FNTB: variants seen among roughly 807,000 people sequenced by gnomAD.
FNTB encodes the protein protein farnesyltransferase subunit beta.
Under a neutral mutation model 59.4 loss-of-function variants are expected in FNTB, and 27 were observed. The ratio of observed to expected loss-of-function variants is 0.45; its 90% confidence interval spans 0.34 to 0.63. FNTB has a LOEUF of 0.63. FNTB is among the 20% of genes least tolerant of loss of function. The pLI is 0.02. For missense variants in FNTB, 449 were observed against 559.6 expected (o/e 0.80, Z 1.99); for synonymous variants, 230 against 220.7 (o/e 1.04, Z -0.37).
rs1242242360 is a variant in FNTB at position 65,060,869 on chromosome 14, TC to T, written c.1183-311del. Among the ~76,000 whole-genome samples, 85 of 42,984 alleles carry T rather than the reference TC, an allele frequency of 2.0e-3. 4 individuals carry two copies. In the East Asian group the frequency reaches 0.044, roughly 22 times the overall value. The allele number at this position is 42,984 out of a possible 152,430, so 28.2% of individuals were successfully genotyped here. The stretch of plus-strand genomic sequence containing the variant: ...GCCTGGGCAACAGAGCAAGACTCTC[TC>T]AAAAAAAAAAAAAAAAAAAAAAAAA... On this transcript the variant is annotated intron_variant, in intron 11 of 11. Coordinates refer to ENST00000246166, the MANE Select transcript of FNTB (RefSeq NM_002028.4).
intron 1 of FNTB, among the ~76,000 whole-genome samples, chr14:64,998,563 G>T (rs921529213): frequency 1.3e-5 from 2 of 152,190 alleles, no homozygotes; most frequent in Non-Finnish European, 2.9e-5. Context: ...GGTTTTTGCA[G>T]AGTCATTTGG....
At chr14:65,025,264 C>T (rs773235572) in intron 4 of FNTB, among the ~76,000 whole-genome samples, 1 of 152,096 alleles carries the variant, frequency 6.6e-6, no homozygotes, top group Non-Finnish European at 1.5e-5. Context: ...GCGTTCGGCA[C>T]GATTCTATCT....
At position 65,019,187 on chromosome 14, in the gene FNTB, GA is replaced by G. The variant is rs566278887; in HGVS notation, c.374+3476del. 6.0e-5 allele frequency among the ~76,000 whole-genome samples: 9 copies of G among 148,938 alleles called. 1 individual carries two copies. In the South Asian group the frequency reaches 1.9e-3, roughly 32 times the overall value. On this transcript the variant is annotated intron_variant, in intron 4 of 11. Transcript: ENST00000246166. ...AAACTCCATCTCAAAAAAAGAAAAA[GA>G]AAAAGAAGAACTTTCTGGCTGGATG...
chr14:65,052,465 T>C (rs1296786138), intron 9 of FNTB, among the ~76,000 whole-genome samples: 1 of 152,200 alleles, frequency 6.6e-6, no homozygotes, highest in Non-Finnish European at 1.5e-5. Context: ...ACATCCTATA[T>C]GTATATATAT....
intron 1 of FNTB, among the ~76,000 whole-genome samples, chr14:65,000,636 T>G (rs559654082): frequency 2.0e-5 from 3 of 151,794 alleles, no homozygotes; most frequent in Non-Finnish European, 4.4e-5. Flanking sequence ...CTGGCTAACA[T>G]GGTGAAACCC....
At chr14:65,035,709 A>T (rs150493309) in intron 7 of FNTB, among the ~76,000 whole-genome samples, 1 of 151,790 alleles carries the variant, frequency 6.6e-6, no homozygotes, top group Non-Finnish European at 1.5e-5. Flanking sequence ...TTTAAAAAAA[A>T]AATTTGTAGA....
rs927082952 is a variant in FNTB at position 65,029,067 on chromosome 14, T to C, written c.605+1286T>C. 2.6e-5 allele frequency among the ~76,000 whole-genome samples: 4 copies of C among 152,204 alleles called. No homozygotes were observed. Among genetic ancestry groups the C allele is most frequent in the Non-Finnish European group, 5.9e-5 (4 of 68,026 alleles). The stretch of plus-strand genomic sequence containing the variant: ...ATGTTCTAGATAAATGCTAGGAAAC[T>C]TCTCCAGTAAGGCAGCTTGGTTCCC... On this transcript the variant is annotated intron_variant, in intron 6 of 11. Coordinates refer to ENST00000246166, the MANE Select transcript of FNTB (RefSeq NM_002028.4). This position sits in a 1 kb window ranked among gnomAD's most constrained non-coding sequence, Gnocchi z 4.7.
intron 4 of FNTB, among the ~76,000 whole-genome samples, chr14:65,024,839 G>A (rs558807632): frequency 1.2e-4 from 18 of 152,150 alleles, no homozygotes; most frequent in Admixed American, 1.0e-3. Context: ...GGCTGGTCTT[G>A]AACTACTGGC....
chr14:65,023,615 A>T lies in FNTB; in HGVS notation c.375-3838A>T, dbSNP rs1225088751. 1.3e-5 allele frequency among the ~76,000 whole-genome samples: 2 copies of T among 152,230 alleles called. No individual in the cohort carries two copies. The highest frequency in any genetic ancestry group is 4.8e-5 in the African/African-American group (2 of 41,472). ...GTGTTCTATATTGGCCACTAGCCAC[A>T]GTTAGTTGTGGAGTACTTGAAATGT... On this transcript the variant is annotated intron_variant, in intron 4 of 11. Coordinates refer to ENST00000246166, the MANE Select transcript of FNTB (RefSeq NM_002028.4). The surrounding 1 kb of genome is among the most constrained non-coding windows in gnomAD (Gnocchi z 4.1).
rs1250986399 is a variant in FNTB, at chr14:65,009,922, G to T, written c.210-2395G>T. Among the ~76,000 whole-genome samples, 1 of 152,062 alleles carries T rather than the reference G, an allele frequency of 6.6e-6. No homozygotes were observed. Among genetic ancestry groups the T allele is most frequent in the African/African-American group, 2.4e-5 (1 of 41,374 alleles). On this transcript the variant is annotated intron_variant, in intron 2 of 11. Coordinates refer to ENST00000246166, the MANE Select transcript of FNTB (RefSeq NM_002028.4). This position sits in a 1 kb window ranked among gnomAD's most constrained non-coding sequence, Gnocchi z 4.2. ...GTCCACCTCTGGACTGTCGCTCTAG[G>T]GTACAGAGCAGCCTCTACCCCAGTG...
At chr14:65,004,360 T>C in intron 2 of FNTB, 47 bp downstream of exon 2, 1 of 1,578,000 alleles carries the variant, frequency 6.3e-7, no homozygotes, top group Non-Finnish European at 8.6e-7. Context: ...AACACCACCA[T>C]GCAGCAGCCT....
intron 4 of FNTB, chr14:65,016,443 G>A (rs760534357): frequency 6.6e-6 from 1 of 152,262 alleles, no homozygotes; most frequent in Non-Finnish European, 1.5e-5. Flanking sequence ...GAGGCAGCAT[G>A]GGCTCTAGGC....
intron 7 of FNTB, among the ~76,000 whole-genome samples, chr14:65,037,005 C>T (rs188586218): frequency 3.4e-4 from 52 of 152,150 alleles, no homozygotes; most frequent in African/African-American, 1.2e-3. Context: ...ATTCATTTTG[C>T]TGGGCACTCG....
chr14:65,059,182 C>T (rs1447731650), intron 11 of FNTB, among the ~76,000 whole-genome samples: 1 of 152,036 alleles, frequency 6.6e-6, no homozygotes, highest in African/African-American at 2.4e-5. Context: ...ACCACCAGAA[C>T]CTGCTAATTT....
At position 64,994,868 on chromosome 14, in the gene FNTB, CT is replaced by C. The variant is rs917393494; in HGVS notation, c.144+7777del. ...AAGCTACACTAAATTTATTCATACG[CT>C]TTTTTCTTTCAATAATAAATTAAAC... On this transcript the variant is annotated intron_variant, in intron 1 of 11. Coordinates refer to ENST00000246166, the MANE Select transcript of FNTB (RefSeq NM_002028.4). The surrounding 1 kb of genome is among the most constrained non-coding windows in gnomAD (Gnocchi z 4.2). Among the ~76,000 whole-genome samples the C allele has an allele frequency of 5.3e-5, 8 of 152,076 alleles. No homozygotes were observed. The highest frequency in any genetic ancestry group is 1.2e-4 in the Non-Finnish European group (8 of 68,014).
rs972427677 is a variant in FNTB at position 65,007,654 on chromosome 14, C to G, written c.209+3341C>G. On this transcript the variant is annotated intron_variant, in intron 2 of 11. Transcript: ENST00000246166. The surrounding 1 kb of genome is among the most constrained non-coding windows in gnomAD (Gnocchi z 4.9). ...AGTCCCAAGGAGCTTTTTGACCATG[C>G]TTTTCATGGTTTTGTTTATTCATGT... Among the ~76,000 whole-genome samples, 4 of 152,150 alleles carry G rather than the reference C, an allele frequency of 2.6e-5. No individual in the cohort carries two copies. The highest frequency in any genetic ancestry group is 7.2e-5 in the African/African-American group (3 of 41,432).
intron 4 of FNTB, among the ~76,000 whole-genome samples, chr14:65,018,242 G>A (rs535958948): frequency 3.0e-4 from 45 of 152,204 alleles, no homozygotes; most frequent in Admixed American, 1.1e-3. Context: ...TCAGGAGGCC[G>A]AGACAGGAGT....
rs1347560974 is a variant in FNTB at position 65,012,137 on chromosome 14, G to T, written c.210-180G>T. On this transcript the variant is annotated intron_variant, in intron 2 of 11. Coordinates refer to ENST00000246166, the MANE Select transcript of FNTB (RefSeq NM_002028.4). This position sits in a 1 kb window ranked among gnomAD's most constrained non-coding sequence, Gnocchi z 5.0. ...ATGCTTTAGAGACATTCAGACAAGA[G>T]CTTCTTTTCTCTGGTTTAGTTGCTC... The T allele has an allele frequency of 3.2e-6, 2 of 631,466 alleles. No individual in the cohort carries two copies. Among genetic ancestry groups the T allele is most frequent in the South Asian group, 2.0e-5 (1 of 51,088 alleles). The allele number at this position is 631,466 out of a possible 1,614,324, so 39.1% of individuals were successfully genotyped here.
intron 1 of FNTB, among the ~76,000 whole-genome samples, chr14:64,989,521 C>A (rs60384762): frequency 6.6e-6 from 1 of 151,006 alleles, no homozygotes; most frequent in African/African-American, 2.4e-5. Context: ...AAGATGAAAG[C>A]TTTTCAAATT....
Sources: allele counts gnomAD v4.1 joint callset (sites outside exome capture counted in the v4.1 genomes callset), GRCh38; gene constraint gnomAD v4.1.1; non-coding constraint Gnocchi (gnomAD v3.1); transcripts MANE v1.5; gene names NCBI Gene and HGNC (gene_info 2026-07-23, HGNC 2026-07-21).